RAC1: variants seen among roughly 807,000 people sequenced by gnomAD.
The protein encoded by RAC1 is ras-related C3 botulinum toxin substrate 1.
Under a neutral mutation model 25.2 loss-of-function variants are expected in RAC1, and 2 were observed. The observed-to-expected ratio is 0.08, with a 90% CI of 0.03 to 0.25. The LOEUF (loss-of-function observed/expected upper bound fraction) is 0.25. RAC1 is among the 10% of genes least tolerant of loss of function. The probability of loss-of-function intolerance (pLI) is 1.00; values close to 1 mark genes in which losing one functional copy is unlikely to be tolerated. For missense variants in RAC1, 50 were observed against 235.7 expected (o/e 0.21, Z 5.16); for synonymous variants, 88 against 94.0 (o/e 0.94, Z 0.37).
intron 1 of RAC1, among the ~76,000 whole-genome samples, chr7:6,379,801 T>C (rs1322992387): frequency 6.6e-6 from 1 of 152,108 alleles, no homozygotes; most frequent in Admixed American, 6.6e-5. Context: ...CAGGCCGGGG[T>C]GCAGTGGCAT....
At chr7:6,391,772 C>T (rs1025719388) in intron 2 of RAC1, 152 bp from the exon 3 acceptor site, 42 of 1,251,852 alleles carry the variant, frequency 3.4e-5, no homozygotes, top group Non-Finnish European at 2.6e-5. Context: ...TTGCCCGTGC[C>T]GCCTTCCTCC....
At chr7:6,376,616 C>G (rs548360004) in intron 1 of RAC1, among the ~76,000 whole-genome samples, 1 of 150,154 alleles carries the variant, frequency 6.7e-6, no homozygotes, top group Non-Finnish European at 1.5e-5. Flanking sequence ...ATTCTCGTGC[C>G]TTAGTCTCCC....
intron 3 of RAC1, among the ~76,000 whole-genome samples, chr7:6,395,459 C>A (rs918076265): frequency 7.2e-5 from 11 of 152,164 alleles, no homozygotes; most frequent in Non-Finnish European, 1.5e-4. Flanking sequence ...CTCTTCGCCG[C>A]GAGGGAAACA....
intron 1 of RAC1, among the ~76,000 whole-genome samples, chr7:6,386,405 G>A (rs903570302): frequency 6.6e-6 from 1 of 152,112 alleles, no homozygotes; most frequent in African/African-American, 2.4e-5. Flanking sequence ...GTAGGGATGT[G>A]GTGGGATTTT....
intron 3 of RAC1, among the ~76,000 whole-genome samples, chr7:6,398,932 TCTC>T (rs776420664): frequency 6.6e-6 from 1 of 152,170 alleles, no homozygotes; most frequent in Non-Finnish European, 1.5e-5. Flanking sequence ...ACTGTGATCT[TCTC>T]CTCCCAAGTG....
At chr7:6,400,023 G>T in intron 3 of RAC1, 103 bp from the exon 4 acceptor site, 1 of 1,043,732 alleles carries the variant, frequency 9.6e-7, no homozygotes, top group Non-Finnish European at 1.5e-6. Flanking sequence ...TGGTAGACAC[G>T]CTCTGCGTCC....
intron 1 of RAC1, among the ~76,000 whole-genome samples, chr7:6,384,440 TAAC>T (rs1403458177): frequency 6.6e-6 from 1 of 152,196 alleles, no homozygotes; most frequent in Non-Finnish European, 1.5e-5. Flanking sequence ...CCCATGTCCT[TAAC>T]AAGAAGAGGT....
At chr7:6,385,368 TC>T (rs953716024) in intron 1 of RAC1, among the ~76,000 whole-genome samples, 14 of 152,166 alleles carry the variant, frequency 9.2e-5, no homozygotes, top group Non-Finnish European at 1.6e-4. Flanking sequence ...AGCTGGTAGT[TC>T]TGCATTAATT....
At chr7:6,377,563 C>G (rs189768420) in intron 1 of RAC1, among the ~76,000 whole-genome samples, 1 of 152,094 alleles carries the variant, frequency 6.6e-6, no homozygotes, top group African/African-American at 2.4e-5. Context: ...CCATTGCACT[C>G]CAGCCCGTGC....
chr7:6,378,814 G>A (rs1227233150), intron 1 of RAC1, among the ~76,000 whole-genome samples: 1 of 151,982 alleles, frequency 6.6e-6, no homozygotes, highest in East Asian at 1.9e-4. Context: ...TCACCCGGGC[G>A]CGATGGCTCA....
chr7:6,393,437 G>A (rs1271536944), intron 3 of RAC1, among the ~76,000 whole-genome samples: 1 of 152,170 alleles, frequency 6.6e-6, no homozygotes, highest in Non-Finnish European at 1.5e-5. Context: ...CCACCCTGCT[G>A]TGACTCAGGG....
At chr7:6,386,400 G>A (rs1782924359) in intron 1 of RAC1, among the ~76,000 whole-genome samples, 1 of 152,150 alleles carries the variant, frequency 6.6e-6, no homozygotes, top group South Asian at 2.1e-4. Context: ...AGGCTGTAGG[G>A]ATGTGGTGGG....
intron 3 of RAC1, chr7:6,398,727 A>G (rs1424405132): frequency 1.9e-6 from 3 of 1,612,810 alleles, no homozygotes; most frequent in Admixed American, 3.3e-5. Flanking sequence ...CCGTATGTAA[A>G]ACTTTCAGTC....
intron 3 of RAC1, among the ~76,000 whole-genome samples, chr7:6,394,434 C>G (rs188351075): frequency 1.2e-4 from 18 of 152,266 alleles, no homozygotes; most frequent in Admixed American, 1.1e-3. Context: ...GAGTAACGCT[C>G]AAGTCCAGCA....
intron 4 of RAC1, 92 bp downstream of exon 4, chr7:6,400,280 G>A: frequency 7.7e-7 from 1 of 1,300,414 alleles, no homozygotes; most frequent in Non-Finnish European, 1.1e-6. Flanking sequence ...GGAATTTTTA[G>A]TTATTTAAAT....
chr7:6,386,269 T>C (rs1056392633), intron 1 of RAC1, among the ~76,000 whole-genome samples: 16 of 152,130 alleles, frequency 1.1e-4, no homozygotes, highest in African/African-American at 3.4e-4. Context: ...TGTGTGAGGA[T>C]TGGGGCTGGG....
chr7:6,384,127 G>A (rs1782856294), intron 1 of RAC1, among the ~76,000 whole-genome samples: 1 of 151,922 alleles, frequency 6.6e-6, no homozygotes, highest in Admixed American at 6.6e-5. Context: ...GTCCCTTAGA[G>A]CCTTAGGCTC....
chr7:6,377,167 G>A (rs1318536094), intron 1 of RAC1, among the ~76,000 whole-genome samples: 1 of 151,420 alleles, frequency 6.6e-6, no homozygotes, highest in African/African-American at 2.4e-5. Context: ...GGAGTATTAG[G>A]CTTAAAAGTC....
intron 1 of RAC1, among the ~76,000 whole-genome samples, chr7:6,382,555 C>A (rs1471375030): frequency 6.6e-6 from 1 of 152,092 alleles, no homozygotes; most frequent in Non-Finnish European, 1.5e-5. Flanking sequence ...CCCTACTCTC[C>A]TCAAAAAGTA....
Sources: gnomAD v4.1 joint callset for allele counts (sites outside exome capture counted in the v4.1 genomes callset) on GRCh38, gnomAD v4.1.1 for gene constraint, MANE v1.5 for transcripts, NCBI Gene and HGNC (gene_info 2026-07-23, HGNC 2026-07-21) for gene names.